Variants in FREM2 observed in about 807,000 individuals in gnomAD.
The protein encoded by FREM2 is FRAS1 related extracellular matrix 2, also known as FRAS1-related extracellular matrix protein 2.
Under a neutral mutation model 219.9 loss-of-function variants are expected in FREM2, and 119 were observed. The ratio of observed to expected loss-of-function variants is 0.54; its 90% confidence interval spans 0.47 to 0.63. The LOEUF (loss-of-function observed/expected upper bound fraction) is 0.63. FREM2 is among the 30% of genes least tolerant of loss of function. The pLI, the probability that FREM2 is intolerant of heterozygous loss-of-function variation, is 0.00. For missense variants in FREM2, 4,030 were observed against 3,993.6 expected (o/e 1.01, Z -0.25); for synonymous variants, 1,562 against 1,522.8 (o/e 1.03, Z -0.60).
chr13:38,746,846 G>A (rs1872504337), intron 2 of FREM2, among the ~76,000 whole-genome samples: 1 of 152,136 alleles, frequency 6.6e-6, no homozygotes, highest in South Asian at 2.1e-4. Context: ...AAATGAAGGT[G>A]TGGAAGAAGA....
At chr13:38,753,423 C>A (rs2218720) in intron 2 of FREM2, among the ~76,000 whole-genome samples, 141,966 of 152,218 alleles carry the variant, frequency 0.93, 66,800 homozygotes, top group Non-Finnish European at 1. Context: ...TCACATCCCA[C>A]CCTTTCTGAA....
intron 2 of FREM2, among the ~76,000 whole-genome samples, chr13:38,711,913 CT>C (rs1224297915): frequency 0.021 from 2,222 of 107,640 alleles, 30 homozygotes; most frequent in African/African-American, 0.062. Flanking sequence ...CTGATAATTT[CT>C]TTTTTTTTTT....
Position 38,689,506 on chromosome 13 carries a change from T to C in FREM2, c.2162T>C (p.Leu721Pro). Residue 721 changes from leucine to proline, a missense_variant, in exon 1 of 24, where the codon CTG becomes CCG. Transcript: ENST00000280481. ...GTACAGGAATCCCAGCTCACACCAC[T>C]GAGGAAGAAGTGGCTGCGCTACACT... is the stretch of plus-strand genomic sequence containing the variant. ...MVVQESQLTPLRKKWLRYTDL... is the reference protein window; with the variant it reads ...MVVQESQLTPPRKKWLRYTDL... 3 of 1,613,896 alleles carry C rather than the reference T, an allele frequency of 1.9e-6. No homozygotes were observed. The highest frequency in any genetic ancestry group is 1.7e-6 in the Non-Finnish European group (2 of 1,179,956).
At chr13:38,714,443 T>C (rs1488830149) in intron 2 of FREM2, among the ~76,000 whole-genome samples, 2 of 152,190 alleles carry the variant, frequency 1.3e-5, no homozygotes, top group African/African-American at 4.8e-5. Flanking sequence ...TGTATAAAAG[T>C]TGTGAGACTG....
At chr13:38,847,936 G>T (rs749578825) in intron 7 of FREM2, among the ~76,000 whole-genome samples, 8 of 152,104 alleles carry the variant, frequency 5.3e-5, no homozygotes, top group Non-Finnish European at 8.8e-5. Flanking sequence ...CATTGCCTGG[G>T]ACAAAGGTGG....
chr13:38,830,536 T>A (rs1253951673), intron 6 of FREM2, among the ~76,000 whole-genome samples: 1 of 152,230 alleles, frequency 6.6e-6, no homozygotes, highest in Non-Finnish European at 1.5e-5. Context: ...CAAGTTCTGA[T>A]GATTTCAATT....
chr13:38,843,972 T>C (rs2137903714), intron 6 of FREM2, among the ~76,000 whole-genome samples: 2 of 152,226 alleles, frequency 1.3e-5, no homozygotes, highest in South Asian at 4.1e-4. Flanking sequence ...GTAATTGTAA[T>C]TGATTATTTG....
chr13:38,771,304 C>T (rs1465649748), intron 4 of FREM2, among the ~76,000 whole-genome samples: 1 of 152,102 alleles, frequency 6.6e-6, no homozygotes, highest in African/African-American at 2.4e-5. Flanking sequence ...TGCACATATG[C>T]TTGAAAAATA....
At chr13:38,731,607 A>T (rs1871770062) in intron 2 of FREM2, among the ~76,000 whole-genome samples, 1 of 152,212 alleles carries the variant, frequency 6.6e-6, no homozygotes, top group African/African-American at 2.4e-5. Flanking sequence ...CAATCTACGG[A>T]TTATGGATTT....
chr13:38,697,892 A>T (rs1870182910), intron 2 of FREM2, 105 bp downstream of exon 2: 1 of 740,330 alleles, frequency 1.4e-6, no homozygotes, highest in African/African-American at 1.7e-5. Context: ...ATATTTCATG[A>T]TCACCTAAAT....
In FREM2 at chr13:38,778,768, A is replaced by G. The variant is rs115468816; in HGVS notation, c.5642-4302A>G. Among the ~76,000 whole-genome samples the G allele has an allele frequency of 3.1e-3, 474 of 152,202 alleles. 2 individuals are homozygous for G. Among genetic ancestry groups the G allele is most frequent in the African/African-American group, 0.011 (458 of 41,540 alleles). The stretch of plus-strand genomic sequence containing the variant: ...TGGCACACATTTATCTATGTAGCAA[A>G]CCTGTACTTGTACCCTGAACTTAAA... On this transcript the variant is annotated intron_variant, in intron 4 of 23. Transcript: ENST00000280481.
intron 22 of FREM2, 149 bp from the exon 23 acceptor site, chr13:38,878,682 A>G: frequency 1.2e-6 from 1 of 855,782 alleles, no homozygotes; most frequent in Non-Finnish European, 1.9e-6. Flanking sequence ...AAAAAAATAG[A>G]AAAACCAACA....
rs746070202 is a variant in FREM2, at chr13:38,856,170, G to A, written c.6970G>A (p.Glu2324Lys). Residue 2324 changes from glutamate to lysine, a missense_variant, in exon 12 of 24, where the codon GAA becomes AAA. Physicochemically the swap from Glu to Lys is moderately conservative, Grantham distance 56. Around this residue, in one of 2 missense-constraint regions of FREM2, gnomAD observed 3,102 missense variants for 2,950.7 expected, o/e 1.05. Transcript: ENST00000280481. ...EGETQHVVEI[E>K]VTFDGVREMR... Reference sequence around the variant, plus strand: ...GGAAACCCAGCACGTGGTTGAAATCGAAGTTACCTTTGACGGGGTGAGAGA... The same window carrying A: ...GGAAACCCAGCACGTGGTTGAAATCAAAGTTACCTTTGACGGGGTGAGAGA... 6.2e-6 allele frequency: 10 copies of A among 1,611,270 alleles called. No individual in the cohort carries two copies. The East Asian group carries it at 6.7e-5, about 11-fold the overall frequency.
At position 38,689,971 on chromosome 13, in the gene FREM2, A is replaced by G. The variant is rs747120941; in HGVS notation, c.2627A>G (p.His876Arg). The G allele has an allele frequency of 1.9e-6, 3 of 1,614,160 alleles. No individual in the cohort carries two copies. The Admixed American group carries it at 5.0e-5, about 27-fold the overall frequency. The change falls in exon 1 of 24, where the codon CAC becomes CGC. Residue 876 changes from histidine (H) to arginine (R), a missense_variant. By Grantham distance (29) the His-to-Arg change is conservative. This residue lies in a region of FREM2 where 3,102 missense variants were observed against 2,950.7 expected (regional missense o/e 1.05). Coordinates refer to ENST00000280481, the MANE Select transcript of FREM2 (RefSeq NM_207361.6). The part of the protein sequence containing the change: ...FTLTQAPKHG[H>R]MRVSGQILHV... ...CTCACTCAGGCACCCAAACATGGCC[A>G]CATGAGAGTGTCTGGACAGATCCTG...
At chr13:38,697,972 A>G (rs898368783) in intron 2 of FREM2, among the ~76,000 whole-genome samples, 185 bp downstream of exon 2, 1 of 152,246 alleles carries the variant, frequency 6.6e-6, no homozygotes, top group Non-Finnish European at 1.5e-5. Context: ...TCATGGCTAT[A>G]GATAAAAGTT....
At chr13:38,795,012 G>T (rs2137842855) in intron 6 of FREM2, among the ~76,000 whole-genome samples, 1 of 152,238 alleles carries the variant, frequency 6.6e-6, no homozygotes, top group East Asian at 1.9e-4. Context: ...AATGTTAAGT[G>T]TTGAATATAT....
chr13:38,740,448 A>G (rs758577866), intron 2 of FREM2, among the ~76,000 whole-genome samples: 6 of 152,216 alleles, frequency 3.9e-5, no homozygotes, highest in Non-Finnish European at 7.4e-5. Flanking sequence ...AATGAAGTTT[A>G]ACGTACATCA....
intron 16 of FREM2, among the ~76,000 whole-genome samples, chr13:38,870,496 G>A (rs1363976412): frequency 6.6e-6 from 1 of 151,662 alleles, no homozygotes; most frequent in East Asian, 1.9e-4. Context: ...AAAGTCCTGT[G>A]ATACAGGCTG....
rs759483164 is a variant in FREM2 at position 38,687,356 on chromosome 13, C to A, written c.12C>A (p.Ala4=). The A allele has an allele frequency of 8.7e-6, 14 of 1,605,728 alleles. No homozygotes were observed. The highest frequency in any genetic ancestry group is 1.7e-5 in the Admixed American group (1 of 59,324). The change falls in exon 1 of 24, where the codon GCC becomes GCA. Residue 4 remains alanine, a synonymous_variant. Coordinates refer to ENST00000280481, the MANE Select transcript of FREM2 (RefSeq NM_207361.6). ...CGAACACCGGGACCATGCACTCAGC[C>A]GGGACTCCCGGGTTATCCTCGCGCC... is the stretch of plus-strand genomic sequence containing the variant. MHS[A]GTPGLSSRRT...
Sources: allele counts gnomAD v4.1 joint callset (sites outside exome capture counted in the v4.1 genomes callset), GRCh38; gene constraint gnomAD v4.1.1; regional missense constraint gnomAD v4.1.1; transcripts MANE v1.5; gene names NCBI Gene and HGNC (gene_info 2026-07-23, HGNC 2026-07-21).